RAB3GAP2: variants seen among roughly 807,000 people sequenced by gnomAD.
The protein encoded by RAB3GAP2 is rab3 GTPase-activating protein non-catalytic subunit.
In RAB3GAP2, 87 loss-of-function variants were observed where a neutral mutation model predicts 185.3. The ratio of observed to expected loss-of-function variants is 0.47; its 90% CI spans 0.39 to 0.56. RAB3GAP2 has a LOEUF of 0.56. RAB3GAP2 is among the 20% of genes least tolerant of loss of function. The probability of loss-of-function intolerance (pLI) is 0.00; values close to 1 mark genes in which losing one functional copy is unlikely to be tolerated. For synonymous variants in RAB3GAP2, 554 were observed against 576.1 expected, an observed-to-expected ratio of 0.96 and a Z score of 0.55; for missense variants, 1,492 against 1,638.2, an observed-to-expected ratio of 0.91 and a Z score of 1.54.
At chr1:220,157,583 C>T in intron 30 of RAB3GAP2, 95 bp from the exon 31 acceptor site, 2 of 1,244,460 alleles carry the variant, frequency 1.6e-6, no homozygotes, top group Non-Finnish European at 2.3e-6. Context: ...AGTGCAAATT[C>T]ATATTGCACA....
chr1:220,194,986 A>G, intron 12 of RAB3GAP2, 92 bp downstream of exon 12: 1 of 1,269,208 alleles, frequency 7.9e-7, no homozygotes, highest in Non-Finnish European at 1.2e-6. Flanking sequence ...TCCAAAGACA[A>G]GATCAGCAAA....
At chr1:220,157,987 G>A in intron 29 of RAB3GAP2, 111 bp from the exon 30 acceptor site, 1 of 798,172 alleles carries the variant, frequency 1.3e-6, no homozygotes, top group Non-Finnish European at 2.1e-6. Flanking sequence ...TTTCCACACT[G>A]AATAGACAGG....
Position 220,193,327 on chromosome 1 carries a change from A to T in RAB3GAP2, c.1183T>A (p.Cys395Ser). ...TCTGTTACTGCTGCCAGTGTGTTAC[A>T]TGGAGACAGACATATGCTTTCACCA... Reference protein sequence around the residue: ...RHGESICLSPCNTLAAVTDDF... With the variant: ...RHGESICLSPSNTLAAVTDDF... The change falls in exon 13 of 35, where the codon TGT becomes AGT. Residue 395 changes from cysteine (C) to serine (S), a missense_variant. Physicochemically the swap from Cys to Ser is moderately radical, Grantham distance 112. Transcript: ENST00000358951. 1 of 1,614,028 alleles carries T rather than the reference A, an allele frequency of 6.2e-7. No individual in the cohort carries two copies. The highest frequency in any genetic ancestry group is 8.5e-7 in the Non-Finnish European group (1 of 1,179,950).
At chr1:220,189,883 T>A in intron 16 of RAB3GAP2, 116 bp from the exon 17 acceptor site, 1 of 1,103,770 alleles carries the variant, frequency 9.1e-7, no homozygotes. Context: ...TTTTGGGTTC[T>A]CTCACATTAA....
intron 23 of RAB3GAP2, among the ~76,000 whole-genome samples, 182 bp downstream of exon 23, chr1:220,171,707 C>G (rs760025590): frequency 6.6e-6 from 1 of 152,136 alleles, no homozygotes; most frequent in South Asian, 2.1e-4. Context: ...CAGTAGGACA[C>G]TGCCATGTGA....
intron 27 of RAB3GAP2, 65 bp from the exon 28 acceptor site, chr1:220,162,333 T>G: frequency 9.0e-7 from 1 of 1,110,502 alleles, no homozygotes; most frequent in Admixed American, 1.7e-5. Flanking sequence ...ACACATAAAT[T>G]ACTCTTTCTT....
intron 2 of RAB3GAP2, among the ~76,000 whole-genome samples, chr1:220,228,456 G>T (rs1256009685): frequency 6.6e-6 from 1 of 152,116 alleles, no homozygotes; most frequent in Non-Finnish European, 1.5e-5. Flanking sequence ...GCTATATATG[G>T]AAAGTTCTGG....
At chr1:220,163,613 C>A (rs561357047) in intron 27 of RAB3GAP2, among the ~76,000 whole-genome samples, 1 of 151,304 alleles carries the variant, frequency 6.6e-6, no homozygotes, top group East Asian at 1.9e-4. Flanking sequence ...CCGCCCGCCT[C>A]GGCCTCCCAA....
At chr1:220,205,483 T>G (rs1390487903) in intron 8 of RAB3GAP2, among the ~76,000 whole-genome samples, 1 of 152,010 alleles carries the variant, frequency 6.6e-6, no homozygotes, top group East Asian at 1.9e-4. Flanking sequence ...CAATGTAGAG[T>G]CATCAGATTT....
chr1:220,151,414 T>C lies in RAB3GAP2; in HGVS notation c.4027-8A>G. On this transcript the variant is annotated splice_region_variant and splice_polypyrimidine_tract_variant and intron_variant, in intron 34 of 34. Transcript: ENST00000358951. ...TTGAAGGTCCTGGGGGTCCTGCAAA[T>C]GGGACACAAAAATAACCTATTATAG... is the stretch of plus-strand genomic sequence containing the variant. The C allele has an allele frequency of 1.2e-6, 2 of 1,614,142 alleles. No homozygotes were observed. The highest frequency in any genetic ancestry group is 1.7e-6 in the Non-Finnish European group (2 of 1,179,988).
intron 18 of RAB3GAP2, among the ~76,000 whole-genome samples, chr1:220,184,725 C>T (rs1281498978): frequency 6.6e-6 from 1 of 151,958 alleles, no homozygotes; most frequent in Non-Finnish European, 1.5e-5. Context: ...TGGTTTACTA[C>T]CAGGCCAGTG....
intron 24 of RAB3GAP2, 41 bp downstream of exon 24, chr1:220,170,851 T>C (rs776458537): frequency 4.0e-6 from 6 of 1,517,342 alleles, no homozygotes; most frequent in Admixed American, 1.7e-5. Context: ...CCTCGTAACA[T>C]AAAAAAATGG....
intron 2 of RAB3GAP2, among the ~76,000 whole-genome samples, chr1:220,224,829 C>T (rs958024626): frequency 2.0e-5 from 3 of 152,162 alleles, no homozygotes; most frequent in African/African-American, 4.8e-5. Context: ...TGAGAAGCTG[C>T]CCTAGTTGCA....
intron 31 of RAB3GAP2, 45 bp from the exon 32 acceptor site, chr1:220,154,102 A>AG (rs140309039): frequency 6.2e-6 from 10 of 1,605,718 alleles, no homozygotes; most frequent in South Asian, 2.2e-5. Context: ...TGGATTATTA[A>AG]GGGGGGAGAG....
chr1:220,220,822 C>T (rs1646243923), intron 2 of RAB3GAP2, among the ~76,000 whole-genome samples: 1 of 152,184 alleles, frequency 6.6e-6, no homozygotes, highest in Admixed American at 6.5e-5. Context: ...TGAGACATGG[C>T]TTTCACCTTC....
chr1:220,272,261 C>T lies in RAB3GAP2; in HGVS notation c.77G>A (p.Arg26Gln). ...CAAGGCGCCGCTGAGGATCTCCTCC[C>T]GCAGGTGAGGAAAGAGGAAGTCCCG... ...AARDFLFPHL[R>Q]EEILSGALRR... Residue 26 changes from arginine (R) to glutamine (Q), a missense_variant, in exon 1 of 35, where the codon CGG becomes CAG. Physicochemically the swap from Arg to Gln is conservative, Grantham distance 43. Coordinates refer to ENST00000358951, the MANE Select transcript of RAB3GAP2 (RefSeq NM_012414.4). 6.2e-7 allele frequency: 1 copy of T among 1,611,404 alleles called. No individual in the cohort carries two copies. The highest frequency in any genetic ancestry group is 2.2e-5 in the East Asian group (1 of 44,782).
At chr1:220,212,122 G>T (rs1659094799) in intron 4 of RAB3GAP2, among the ~76,000 whole-genome samples, 1 of 152,160 alleles carries the variant, frequency 6.6e-6, no homozygotes, top group South Asian at 2.1e-4. Context: ...GGTTACAAAA[G>T]CTTTACTGGG....
chr1:220,233,907 G>A (rs1023626704), intron 1 of RAB3GAP2, among the ~76,000 whole-genome samples: 1 of 151,912 alleles, frequency 6.6e-6, no homozygotes, highest in African/African-American at 2.4e-5. Context: ...CACCATATTG[G>A]CCAGGCTGGT....
intron 1 of RAB3GAP2, among the ~76,000 whole-genome samples, chr1:220,235,050 T>G (rs191938783): frequency 2.8e-4 from 43 of 152,266 alleles, no homozygotes; most frequent in African/African-American, 1.0e-3. Context: ...AGTGGCAGAG[T>G]ACAGTGTGAG....
Sources: allele counts gnomAD v4.1 joint callset (sites outside exome capture counted in the v4.1 genomes callset), GRCh38; gene constraint gnomAD v4.1.1; transcripts MANE v1.5; gene names NCBI Gene and HGNC (gene_info 2026-07-23, HGNC 2026-07-21).